HDAC9: variants seen among roughly 807,000 people sequenced by gnomAD.
HDAC9 encodes the protein MEF-2 interacting transcription repressor (MITR) protein.
Under a neutral mutation model 139.4 loss-of-function variants are expected in HDAC9, and 41 were observed. That is an observed-to-expected ratio of 0.29 (90% CI 0.23 to 0.38). HDAC9 has a LOEUF of 0.38. HDAC9 is among the 10% of genes least tolerant of loss of function. The pLI, the probability that HDAC9 is intolerant of heterozygous loss-of-function variation, is 1.00. For missense variants in HDAC9, 1,147 were observed against 1,297.0 expected (o/e 0.88, Z 1.78); for synonymous variants, 517 against 476.2 (o/e 1.09, Z -1.12).
At chr7:18,750,913 C>T (rs543859719) in intron 14 of HDAC9, among the ~76,000 whole-genome samples, 9 of 152,260 alleles carry the variant, frequency 5.9e-5, no homozygotes, top group South Asian at 4.1e-4. Flanking sequence ...TTATATCCTG[C>T]GGCAGCTGGC....
intron 2 of HDAC9, among the ~76,000 whole-genome samples, chr7:18,179,917 G>T (rs17346073): frequency 0.035 from 5,327 of 152,006 alleles, 127 homozygotes; most frequent in Non-Finnish European, 0.049. Context: ...TCTCTCAACC[G>T]TGACCTGTAA....
At chr7:18,125,983 T>A (rs1371606603) in intron 1 of HDAC9, among the ~76,000 whole-genome samples, 1 of 152,206 alleles carries the variant, frequency 6.6e-6, no homozygotes. Context: ...TGTTGGTCTA[T>A]CTACCTGTAT....
In HDAC9 at chr7:18,514,349, T is replaced by C. The variant is rs1338499766; in HGVS notation, c.22+18025T>C. 3.9e-5 allele frequency among the ~76,000 whole-genome samples: 6 copies of C among 152,238 alleles called. 1 individual carries two copies. The highest frequency in any genetic ancestry group is 2.1e-4 in the South Asian group (1 of 4,834). Reference sequence around the variant, plus strand: ...GTAATGAAGATTATTATTTGATTGTTTATCAGAAATATAAAGTTGTATCGT... The same window carrying C: ...GTAATGAAGATTATTATTTGATTGTCTATCAGAAATATAAAGTTGTATCGT... On this transcript the variant is annotated intron_variant, in intron 2 of 25. Coordinates refer to ENST00000686413, the MANE Select transcript of HDAC9 (RefSeq NM_178425.4).
intron 17 of HDAC9, among the ~76,000 whole-genome samples, chr7:18,793,684 G>C (rs1792532002): frequency 1.3e-5 from 2 of 152,162 alleles, no homozygotes; most frequent in South Asian, 4.1e-4. Context: ...GGGCCCACCG[G>C]TGTGCATGTA....
At chr7:18,485,857 T>C (rs984159478) in intron 1 of HDAC9, among the ~76,000 whole-genome samples, 1 of 152,174 alleles carries the variant, frequency 6.6e-6, no homozygotes, top group African/African-American at 2.4e-5. Context: ...TCAAATTCTG[T>C]CTTAATCCAG....
intron 2 of HDAC9, among the ~76,000 whole-genome samples, chr7:18,520,740 A>G (rs889232646): frequency 1.3e-5 from 2 of 152,194 alleles, no homozygotes; most frequent in African/African-American, 2.4e-5. Flanking sequence ...CCCAGAGAGT[A>G]AGTACAACTA....
chr7:18,676,562 C>A (rs73313328), intron 12 of HDAC9, among the ~76,000 whole-genome samples: 5 of 152,080 alleles, frequency 3.3e-5, no homozygotes, highest in African/African-American at 1.2e-4. Context: ...ATGGTGCTAT[C>A]AAATCCTTTT....
intron 1 of HDAC9, among the ~76,000 whole-genome samples, chr7:18,094,777 A>G (rs1242030623): frequency 6.6e-6 from 1 of 151,608 alleles, no homozygotes; most frequent in East Asian, 1.9e-4. Flanking sequence ...AACTGTTGCA[A>G]CTCCCTGCCT....
chr7:18,958,745 T>C lies in HDAC9; in HGVS notation c.3022+4515T>C, dbSNP rs566158477. Among the ~76,000 whole-genome samples the C allele has an allele frequency of 3.9e-5, 6 of 152,290 alleles. No individual in the cohort carries two copies. The East Asian group carries it at 9.7e-4, about 25-fold the overall frequency. On this transcript the variant is annotated intron_variant, in intron 24 of 25. Transcript: ENST00000686413. ...TTTCTTCTAAGCCTGCGTTGATTTT[T>C]GTAACTAACCTCACATATTTATACT...
At chr7:18,812,031 G>C (rs1002477227) in intron 17 of HDAC9, among the ~76,000 whole-genome samples, 15 of 151,802 alleles carry the variant, frequency 9.9e-5, no homozygotes, top group Non-Finnish European at 1.5e-5. Context: ...GTCATCTCTA[G>C]ATTATTTATC....
intron 23 of HDAC9, chr7:18,948,898 A>G: frequency 3.4e-6 from 1 of 290,560 alleles, no homozygotes; most frequent in Non-Finnish European, 6.7e-6. Context: ...TAAACTATTA[A>G]GGAGACTTCT....
At chr7:18,739,695 T>C (rs1787266712) in intron 13 of HDAC9, among the ~76,000 whole-genome samples, 1 of 152,202 alleles carries the variant, frequency 6.6e-6, no homozygotes, top group Non-Finnish European at 1.5e-5. Context: ...TACTGGGAGA[T>C]GTCTCCCAGT....
intron 12 of HDAC9, among the ~76,000 whole-genome samples, chr7:18,689,706 C>T (rs914834493): frequency 5.3e-5 from 8 of 151,902 alleles, no homozygotes; most frequent in Admixed American, 1.3e-4. Context: ...TTTGGGCTTA[C>T]GGCCATTAGG....
intron 22 of HDAC9, among the ~76,000 whole-genome samples, chr7:18,920,792 A>G (rs1376944362): frequency 6.6e-6 from 1 of 152,146 alleles, no homozygotes; most frequent in Non-Finnish European, 1.5e-5. Flanking sequence ...ATGCTGGATT[A>G]CATTTATTGA....
chr7:18,511,671 A>G (rs899574689), intron 2 of HDAC9, among the ~76,000 whole-genome samples: 2 of 152,168 alleles, frequency 1.3e-5, no homozygotes, highest in South Asian at 2.1e-4. Flanking sequence ...ACATTGTTCT[A>G]TTTGATTATC....
At chr7:18,759,668 C>A (rs1346151138) in intron 14 of HDAC9, among the ~76,000 whole-genome samples, 1 of 152,104 alleles carries the variant, frequency 6.6e-6, no homozygotes, top group African/African-American at 2.4e-5. Flanking sequence ...CTTTTTTTGT[C>A]TTCCACGAAA....
At chr7:18,914,640 T>C (rs1451422975) in intron 22 of HDAC9, among the ~76,000 whole-genome samples, 1 of 152,068 alleles carries the variant, frequency 6.6e-6, no homozygotes, top group East Asian at 1.9e-4. Flanking sequence ...TTCTTGCAAG[T>C]CAGTATGAGC....
At chr7:18,927,931 G>C (rs772767968) in intron 22 of HDAC9, among the ~76,000 whole-genome samples, 2 of 152,070 alleles carry the variant, frequency 1.3e-5, no homozygotes, top group Admixed American at 1.3e-4. Flanking sequence ...ATAATAGTTG[G>C]GGGGAGACTT....
intron 6 of HDAC9, among the ~76,000 whole-genome samples, chr7:18,609,213 T>G (rs1333076771): frequency 6.6e-6 from 1 of 152,182 alleles, no homozygotes; most frequent in Non-Finnish European, 1.5e-5. Context: ...ATGGAAGAGT[T>G]CTATATTGGC....
Sources: gnomAD v4.1 joint callset for allele counts (sites outside exome capture counted in the v4.1 genomes callset) on GRCh38, gnomAD v4.1.1 for gene constraint, MANE v1.5 for transcripts, NCBI Gene and HGNC (gene_info 2026-07-23, HGNC 2026-07-21) for gene names.